RTN4IP1: variants seen among roughly 807,000 people sequenced by gnomAD.
RTN4IP1 encodes the protein reticulon 4 interacting protein 1, also known as NAD(P)H oxidoreductase RTN4IP1, mitochondrial.
RTN4IP1 carries 32 observed loss-of-function variants against 46.6 expected under a neutral mutation model. The ratio of observed to expected loss-of-function variants is 0.69; its 90% CI spans 0.52 to 0.92. The LOEUF is 0.92. Among genes scored for constraint, RTN4IP1 ranks in the 40% least tolerant of loss-of-function variants. The pLI is 0.00. For synonymous variants in RTN4IP1, 167 were observed against 161.8 expected, an observed-to-expected ratio of 1.03 and a Z score of -0.24; for missense variants, 424 against 485.8, an observed-to-expected ratio of 0.87 and a Z score of 1.20.
At chr6:106,600,763 T>C (rs912627292) in intron 5 of RTN4IP1, among the ~76,000 whole-genome samples, 16 of 152,128 alleles carry the variant, frequency 1.1e-4, no homozygotes, top group African/African-American at 3.6e-4. Context: ...TTTATTCCTT[T>C]TTATGGCTGA....
intron 4 of RTN4IP1, among the ~76,000 whole-genome samples, chr6:106,616,933 C>G (rs960675003): frequency 6.6e-6 from 1 of 152,158 alleles, no homozygotes; most frequent in Non-Finnish European, 1.5e-5. Context: ...GAAATCCTAA[C>G]CCCCAGGGTG....
chr6:106,574,226 C>A (rs576748277), intron 8 of RTN4IP1, among the ~76,000 whole-genome samples: 1 of 103,842 alleles, frequency 9.6e-6, no homozygotes, highest in South Asian at 4.4e-4. Flanking sequence ...AGGCGAATCA[C>A]CTGAGGTCAG....
chr6:106,573,049 GGT>G (rs1775119844), intron 8 of RTN4IP1, among the ~76,000 whole-genome samples: 1 of 152,162 alleles, frequency 6.6e-6, no homozygotes, highest in Non-Finnish European at 1.5e-5. Context: ...GCTAAACAAC[GGT>G]GCAGCCGGTT....
At chr6:106,611,814 G>C (rs934998507) in intron 4 of RTN4IP1, among the ~76,000 whole-genome samples, 1 of 152,150 alleles carries the variant, frequency 6.6e-6, no homozygotes, top group Non-Finnish European at 1.5e-5. Context: ...GTTTGTGTGT[G>C]AATTAAATGT....
chr6:106,583,523 T>C lies in RTN4IP1; in HGVS notation c.991-103A>G, dbSNP rs1193561860. On this transcript the variant is annotated intron_variant, in intron 7 of 8. Coordinates refer to ENST00000369063, the MANE Select transcript of RTN4IP1 (RefSeq NM_032730.5). ...TTTCTGGATGACTACAACAAACTGA[T>C]TTCTCATTTCATGCTGACAAAATGT... The C allele has an allele frequency of 5.7e-5, 49 of 861,588 alleles. No homozygotes were observed. The South Asian group carries it at 7.3e-4, about 13-fold the overall frequency. 53.4% of individuals were successfully genotyped at this position (861,588 alleles called of 1,614,324 possible).
chr6:106,610,148 G>A (rs770532432), intron 4 of RTN4IP1, among the ~76,000 whole-genome samples: 8 of 151,740 alleles, frequency 5.3e-5, no homozygotes, highest in Non-Finnish European at 8.8e-5. Flanking sequence ...TGCAACCTCC[G>A]CCTCCCGTGT....
chr6:106,591,514 C>CTG (rs1775662886), intron 6 of RTN4IP1, among the ~76,000 whole-genome samples: 4 of 152,064 alleles, frequency 2.6e-5, no homozygotes, highest in Non-Finnish European at 5.9e-5. Flanking sequence ...AAAGGGAAAA[C>CTG]CTTTTAAACA....
At chr6:106,614,743 T>C (rs1776306862) in intron 4 of RTN4IP1, among the ~76,000 whole-genome samples, 1 of 152,182 alleles carries the variant, frequency 6.6e-6, no homozygotes, top group Admixed American at 6.5e-5. Context: ...AAAATGTCTT[T>C]GGGCTTGGCA....
chr6:106,606,570 A>G (rs2114661169), intron 4 of RTN4IP1, among the ~76,000 whole-genome samples: 1 of 152,214 alleles, frequency 6.6e-6, no homozygotes, highest in South Asian at 2.1e-4. Flanking sequence ...TTAACCAAGG[A>G]GGTGAAAGAT....
chr6:106,619,680 C>T (rs917437245), intron 3 of RTN4IP1, among the ~76,000 whole-genome samples: 5 of 142,026 alleles, frequency 3.5e-5, no homozygotes, highest in African/African-American at 1.1e-4. Flanking sequence ...GGCGTGATCT[C>T]GGCTCACTGC....
chr6:106,622,522 C>G (rs1582391945), intron 2 of RTN4IP1, among the ~76,000 whole-genome samples: 2 of 152,260 alleles, frequency 1.3e-5, no homozygotes, highest in East Asian at 3.9e-4. Flanking sequence ...GTCCTAAGAC[C>G]AATCTTTGAT....
chr6:106,590,181 G>A lies in RTN4IP1; in HGVS notation c.806+1983C>T, dbSNP rs560425625. ...AAAAAAATTGAAAAATTAGCCGGGT[G>A]TGATGGTGGGTGCCTGTAATCCCAG... On this transcript the variant is annotated intron_variant, in intron 6 of 8. Coordinates refer to ENST00000369063, the MANE Select transcript of RTN4IP1 (RefSeq NM_032730.5). 1.2e-3 allele frequency among the ~76,000 whole-genome samples: 188 copies of A among 152,192 alleles called. 2 individuals are homozygous for A. Among genetic ancestry groups the A allele is most frequent in the Middle Eastern group, 6.8e-3 (2 of 294 alleles).
At chr6:106,579,033 G>A (rs1775293032) in intron 8 of RTN4IP1, among the ~76,000 whole-genome samples, 1 of 151,444 alleles carries the variant, frequency 6.6e-6, no homozygotes, top group African/African-American at 2.4e-5. Context: ...TCAAGAGATT[G>A]AGACCAGCCT....
intron 6 of RTN4IP1, among the ~76,000 whole-genome samples, chr6:106,588,301 T>C (rs1020386356): frequency 8.5e-5 from 13 of 152,242 alleles, no homozygotes; most frequent in Admixed American, 6.5e-5. Context: ...ACTGCAAAGC[T>C]TTCCATTCTC....
At chr6:106,576,958 T>C (rs545522008) in intron 8 of RTN4IP1, among the ~76,000 whole-genome samples, 27 of 152,260 alleles carry the variant, frequency 1.8e-4, no homozygotes, top group African/African-American at 6.3e-4. Flanking sequence ...TGAACTCAAA[T>C]ATGGTGCATA....
At chr6:106,617,985 T>C (rs1479650528) in intron 4 of RTN4IP1, among the ~76,000 whole-genome samples, 2 of 152,204 alleles carry the variant, frequency 1.3e-5, no homozygotes, top group African/African-American at 4.8e-5. Context: ...TCAAAACTAA[T>C]TTAATTTAAA....
At chr6:106,615,372 T>TA (rs2114672289) in intron 4 of RTN4IP1, among the ~76,000 whole-genome samples, 1 of 152,214 alleles carries the variant, frequency 6.6e-6, no homozygotes, top group African/African-American at 2.4e-5. Context: ...AATTTACACT[T>TA]ACATGACAAA....
chr6:106,629,701 G>C, upstream of RTN4IP1: 7 of 1,606,394 alleles, frequency 4.4e-6, no homozygotes, highest in Middle Eastern at 1.7e-4. Flanking sequence ...CGGAGCCTCC[G>C]AGAAGTGAGT....
At chr6:106,574,201 T>C (rs1775160636) in intron 8 of RTN4IP1, among the ~76,000 whole-genome samples, 1 of 151,804 alleles carries the variant, frequency 6.6e-6, no homozygotes, top group African/African-American at 2.4e-5. Flanking sequence ...TCCCAGCACT[T>C]TGGGAAGCCG....
Sources: allele counts gnomAD v4.1 joint callset (sites outside exome capture counted in the v4.1 genomes callset), GRCh38; gene constraint gnomAD v4.1.1; transcripts MANE v1.5; gene names NCBI Gene and HGNC (gene_info 2026-07-23, HGNC 2026-07-21).